Variants in DGKD observed in about 807,000 individuals in gnomAD.
DGKD encodes the protein DAG kinase delta.
DGKD carries 68 observed loss-of-function variants against 154.4 expected under a neutral mutation model. That is an observed-to-expected ratio of 0.44 (90% confidence interval 0.36 to 0.54). DGKD has a LOEUF of 0.54. Among genes scored for constraint, DGKD ranks in the 20% least tolerant of loss-of-function variants. The pLI is 0.00. For missense variants in DGKD, 1,343 were observed against 1,593.6 expected, an observed-to-expected ratio of 0.84 and a Z score of 2.68; for synonymous variants, 693 against 638.0, an observed-to-expected ratio of 1.09 and a Z score of -1.30.
At position 233,452,103 on chromosome 2, in the gene DGKD, C is replaced by T. The variant is rs749316069; in HGVS notation, c.2264+43C>T. On this transcript the variant is annotated intron_variant, in intron 18 of 29. Coordinates refer to ENST00000264057, the MANE Select transcript of DGKD (RefSeq NM_152879.3). The surrounding 1 kb of genome is among the most constrained non-coding windows in gnomAD (Gnocchi z 4.0). ...ACCGAGTGGGCATATTGTTACATGG[C>T]TGCTAGTGCATAGAAAACAGATCTC... 4 of 1,533,632 alleles carry T rather than the reference C, an allele frequency of 2.6e-6. No individual in the cohort carries two copies. The highest frequency in any genetic ancestry group is 2.7e-6 in the Non-Finnish European group (3 of 1,107,274).
At chr2:233,360,931 C>G (rs1701751189) in intron 1 of DGKD, among the ~76,000 whole-genome samples, 5 of 151,704 alleles carry the variant, frequency 3.3e-5, no homozygotes, top group Admixed American at 3.3e-4. Flanking sequence ...GGAGTGCGGC[C>G]TTCTGATCCC....
intron 1 of DGKD, among the ~76,000 whole-genome samples, chr2:233,378,047 TC>T (rs1316249784): frequency 1.3e-5 from 2 of 152,036 alleles, no homozygotes; most frequent in African/African-American, 4.8e-5. Flanking sequence ...TCTCAAGTGA[TC>T]CTCTCACCTC....
rs114538916 is a variant in DGKD, at chr2:233,384,975, C to T, written c.157-3282C>T. On this transcript the variant is annotated intron_variant, in intron 1 of 29. Transcript: ENST00000264057. ...ACATCCCAGAGCACTCTGGTGTGTA[C>T]ACATCCGCCTTCCTCTGGTCTGAGC... Among the ~76,000 whole-genome samples the T allele has an allele frequency of 5.0e-3, 767 of 152,270 alleles. 9 individuals carry two copies. Among genetic ancestry groups the T allele is most frequent in the African/African-American group, 0.017 (724 of 41,532 alleles).
At chr2:233,380,859 G>A (rs1291809281) in intron 1 of DGKD, among the ~76,000 whole-genome samples, 1 of 152,086 alleles carries the variant, frequency 6.6e-6, no homozygotes, top group Non-Finnish European at 1.5e-5. Context: ...TCACATTAGT[G>A]GGGGCAGGAA....
At chr2:233,372,415 C>A (rs988751568) in intron 1 of DGKD, among the ~76,000 whole-genome samples, 37 of 152,106 alleles carry the variant, frequency 2.4e-4, no homozygotes, top group Non-Finnish European at 7.3e-5. Context: ...TAAATCCAGT[C>A]TCATTTGACA....
chr2:233,362,085 A>G (rs1453394722), intron 1 of DGKD, among the ~76,000 whole-genome samples: 1 of 152,300 alleles, frequency 6.6e-6, no homozygotes, highest in Admixed American at 6.5e-5. Context: ...TGCGTGAGCC[A>G]CCTCACCCAG....
chr2:233,412,559 T>C (rs1177679727), intron 3 of DGKD, among the ~76,000 whole-genome samples: 1 of 152,212 alleles, frequency 6.6e-6, no homozygotes, highest in Non-Finnish European at 1.5e-5. Flanking sequence ...CTTTACTTCT[T>C]CCTTTCTGAC....
chr2:233,368,620 G>A (rs73106643), intron 1 of DGKD, among the ~76,000 whole-genome samples: 1,538 of 152,254 alleles, frequency 0.01, 24 homozygotes, highest in African/African-American at 0.035. Flanking sequence ...ACCAATGTTC[G>A]AGGTAAGGAT....
In DGKD at chr2:233,392,941, A is replaced by C. The variant is rs1024195233; in HGVS notation, c.348+2458A>C. On this transcript the variant is annotated intron_variant, in intron 3 of 29. Coordinates refer to ENST00000264057, the MANE Select transcript of DGKD (RefSeq NM_152879.3). Reference sequence around the variant, plus strand: ...GTTTGCTTTTCTTGTCAGATTTCGTAAACTCTAGCATTTTTGTTTTCTTTG... The same window carrying C: ...GTTTGCTTTTCTTGTCAGATTTCGTCAACTCTAGCATTTTTGTTTTCTTTG... 2.0e-5 allele frequency among the ~76,000 whole-genome samples: 3 copies of C among 152,200 alleles called. 1 individual carries two copies. Among genetic ancestry groups the C allele is most frequent in the Admixed American group, 1.3e-4 (2 of 15,276 alleles).
At chr2:233,382,430 G>A (rs1398797634) in intron 1 of DGKD, among the ~76,000 whole-genome samples, 3 of 152,130 alleles carry the variant, frequency 2.0e-5, no homozygotes, top group Admixed American at 6.5e-5. Context: ...TTGAAGGACC[G>A]GGGAAGTCTA....
chr2:233,437,602 G>A, intron 8 of DGKD, 123 bp downstream of exon 8: 3 of 936,132 alleles, frequency 3.2e-6, no homozygotes, highest in African/African-American at 1.6e-5. Flanking sequence ...GTCAGGCACA[G>A]CTGTTGGGGG....
intron 18 of DGKD, among the ~76,000 whole-genome samples, chr2:233,453,079 C>T (rs982857179): frequency 3.3e-5 from 5 of 152,180 alleles, no homozygotes; most frequent in Non-Finnish European, 7.3e-5. Context: ...TGAGCACTGT[C>T]CCTAGAGGCC....
At chr2:233,408,385 A>G (rs2061739619) in intron 3 of DGKD, among the ~76,000 whole-genome samples, 1 of 152,188 alleles carries the variant, frequency 6.6e-6, no homozygotes, top group Non-Finnish European at 1.5e-5. Context: ...ACTCTTCCTA[A>G]TTGCTGCAAC....
chr2:233,434,540 T>C, intron 4 of DGKD, 56 bp downstream of exon 4: 1 of 1,531,784 alleles, frequency 6.5e-7, no homozygotes, highest in Admixed American at 1.7e-5. Context: ...CTCACCCCAG[T>C]GTCTGCTGTC....
chr2:233,419,239 C>T, intron 3 of DGKD: 1 of 985,674 alleles, frequency 1.0e-6, no homozygotes, highest in Non-Finnish European at 1.2e-6. Flanking sequence ...GTCCCTTTGC[C>T]CCTCTTTTGG....
chr2:233,454,428 C>T (rs1034272349), intron 18 of DGKD: 12 of 477,954 alleles, frequency 2.5e-5, no homozygotes, highest in Non-Finnish European at 3.5e-5. Flanking sequence ...GAGGCGCCTC[C>T]GTGGAGGTGG....
chr2:233,376,465 A>G (rs1344118457), intron 1 of DGKD, among the ~76,000 whole-genome samples: 1 of 152,194 alleles, frequency 6.6e-6, no homozygotes, highest in Non-Finnish European at 1.5e-5. Flanking sequence ...CAGATTCTAC[A>G]TAAGCTCCTG....
Position 233,390,412 on chromosome 2 carries a change from T to C in DGKD, c.277T>C (p.Phe93Leu). 2 of 1,614,016 alleles carry C rather than the reference T, an allele frequency of 1.2e-6. No homozygotes were observed. Among genetic ancestry groups the C allele is most frequent in the Middle Eastern group, 1.7e-4 (1 of 6,060 alleles). The change falls in exon 3 of 30, where the codon TTT becomes CTT. Residue 93 changes from phenylalanine to leucine, a missense_variant. Physicochemically the swap from Phe to Leu is conservative, Grantham distance 22. Around this residue, in one of 6 missense-constraint regions of DGKD, gnomAD observed 332 missense variants for 400.1 expected, o/e 0.83. Coordinates refer to ENST00000264057, the MANE Select transcript of DGKD (RefSeq NM_152879.3). ...GTTTGTCTCTTTCTAGTCAATCATA[T>C]TTGATGAGGTGGATCTGACAGATGC... ...YYAKTAKSII[F>L]DEVDLTDASV...
intron 1 of DGKD, among the ~76,000 whole-genome samples, chr2:233,366,545 G>T (rs1407704133): frequency 2.6e-5 from 4 of 152,134 alleles, no homozygotes; most frequent in African/African-American, 9.7e-5. Flanking sequence ...CTGTTACCTG[G>T]CTCTGCTGCA....
Sources: gnomAD v4.1 joint callset for allele counts (sites outside exome capture counted in the v4.1 genomes callset) on GRCh38, gnomAD v4.1.1 for gene constraint, gnomAD v4.1.1 regional missense constraint, Gnocchi (gnomAD v3.1) non-coding constraint, MANE v1.5 for transcripts, NCBI Gene and HGNC (gene_info 2026-07-23, HGNC 2026-07-21) for gene names.